Variants in CAMTA1 observed in about 807,000 individuals in gnomAD.
The protein encoded by CAMTA1 is calmodulin-binding transcription activator 1.
A neutral mutation model predicts 170.9 loss-of-function variants in CAMTA1; 27 were observed. The observed-to-expected ratio is 0.16, with a 90% CI of 0.12 to 0.22. CAMTA1 has a LOEUF of 0.22. Ranked by LOEUF, CAMTA1 falls within the 10% of genes least tolerant of loss-of-function variation. The pLI, the probability that CAMTA1 is intolerant of heterozygous loss-of-function variation, is 1.00. For synonymous variants in CAMTA1, 833 were observed against 891.5 expected, an observed-to-expected ratio of 0.93 and a Z score of 1.17; for missense variants, 1,619 against 2,217.2, an observed-to-expected ratio of 0.73 and a Z score of 5.42.
rs1293595712 is a variant in CAMTA1 at position 7,412,679 on chromosome 1, C to T, written c.439-55151C>T. Among the ~76,000 whole-genome samples the T allele has an allele frequency of 4.6e-5, 7 of 151,932 alleles. No homozygotes were observed. In the East Asian group the frequency reaches 1.2e-3, roughly 25 times the overall value. On this transcript the variant is annotated intron_variant, in intron 5 of 22. Coordinates refer to ENST00000303635, the MANE Select transcript of CAMTA1 (RefSeq NM_015215.4). ...AGCCCTTTGTCAGATGAGTAGGTTG[C>T]GAAAATTTTCTCCCATTTTGTAGGT...
At chr1:7,755,326 CAAAAAAA>C (rs70987373) in intron 21 of CAMTA1, among the ~76,000 whole-genome samples, 9 of 61,970 alleles carry the variant, frequency 1.5e-4, no homozygotes, top group Admixed American at 4.4e-4. Context: ...GACTCCGTCT[CAAAAAAA>C]AAAAAAAAAA....
intron 5 of CAMTA1, among the ~76,000 whole-genome samples, chr1:7,349,137 G>A (rs845239): frequency 0.94 from 143,007 of 152,284 alleles, 67,246 homozygotes; most frequent in East Asian, 1. Context: ...AGTCATTCCC[G>A]TTCTCCTCGA....
intron 5 of CAMTA1, among the ~76,000 whole-genome samples, chr1:7,436,809 A>G (rs1446234506): frequency 1.3e-5 from 2 of 152,050 alleles, no homozygotes; most frequent in African/African-American, 4.8e-5. Flanking sequence ...AGCGGGGCGG[A>G]TGCAGAGGTA....
chr1:7,106,527 G>T (rs1158607413), intron 4 of CAMTA1, among the ~76,000 whole-genome samples: 1 of 152,118 alleles, frequency 6.6e-6, no homozygotes, highest in Non-Finnish European at 1.5e-5. Context: ...CAGAAGTTGG[G>T]ACCAGAGCCC....
chr1:7,465,433 T>G (rs1242752601), intron 5 of CAMTA1, among the ~76,000 whole-genome samples: 1 of 152,124 alleles, frequency 6.6e-6, no homozygotes, highest in Non-Finnish European at 1.5e-5. Context: ...GGGATCTGCC[T>G]TCAGCCGCAC....
chr1:6,979,092 G>A (rs1294143947), intron 3 of CAMTA1, among the ~76,000 whole-genome samples: 1 of 152,196 alleles, frequency 6.6e-6, no homozygotes, highest in Non-Finnish European at 1.5e-5. Context: ...TGGTGTGGCT[G>A]GAGGAGGGAG....
intron 3 of CAMTA1, among the ~76,000 whole-genome samples, chr1:6,911,823 C>T (rs574041375): frequency 6.6e-5 from 10 of 152,328 alleles, no homozygotes; most frequent in South Asian, 4.1e-4. Context: ...TTGCTGTCTG[C>T]GGGCTCTGTT....
intron 5 of CAMTA1, among the ~76,000 whole-genome samples, chr1:7,250,973 G>C (rs935393836): frequency 9.9e-5 from 15 of 152,214 alleles, no homozygotes; most frequent in Non-Finnish European, 1.8e-4. Flanking sequence ...AAAGGAGGGA[G>C]GGCTTGGTTC....
intron 5 of CAMTA1, among the ~76,000 whole-genome samples, chr1:7,308,741 T>C (rs906176181): frequency 3.3e-5 from 5 of 152,198 alleles, no homozygotes; most frequent in African/African-American, 7.2e-5. Context: ...GTTTTATGAC[T>C]CAAGACATGA....
At chr1:6,932,291 T>G (rs1684553475) in intron 3 of CAMTA1, among the ~76,000 whole-genome samples, 3 of 152,222 alleles carry the variant, frequency 2.0e-5, no homozygotes, top group African/African-American at 4.8e-5. Flanking sequence ...TGTCTTTTTT[T>G]GGGGTCTGGC....
chr1:6,906,977 C>A (rs989180880), intron 3 of CAMTA1, among the ~76,000 whole-genome samples: 2 of 152,206 alleles, frequency 1.3e-5, no homozygotes, highest in African/African-American at 4.8e-5. Flanking sequence ...CCATCCCCCG[C>A]GTCCCAGCCC....
Position 7,588,210 on chromosome 1 carries a change from T to C in CAMTA1, c.511-52190T>C, listed in dbSNP as rs2095326879. Among the ~76,000 whole-genome samples, 1 of 152,046 alleles carries C rather than the reference T, an allele frequency of 6.6e-6. No individual in the cohort carries two copies. The highest frequency in any genetic ancestry group is 2.4e-5 in the African/African-American group (1 of 41,342). ...TCTGCCTCTCAGCCAGGAAAATCCC[T>C]ACCCCAGGACAAGCTCCTGTGGCCA... On this transcript the variant is annotated intron_variant, in intron 6 of 22. Transcript: ENST00000303635. The surrounding 1 kb of genome is among the most constrained non-coding windows in gnomAD (Gnocchi z 5.8).
At chr1:7,004,333 C>T (rs1355310722) in intron 3 of CAMTA1, among the ~76,000 whole-genome samples, 1 of 152,080 alleles carries the variant, frequency 6.6e-6, no homozygotes, top group Non-Finnish European at 1.5e-5. Context: ...AGGATCCCAG[C>T]CAAAGAACCT....
intron 6 of CAMTA1, among the ~76,000 whole-genome samples, chr1:7,506,474 C>CA (rs2094112473): frequency 6.6e-6 from 1 of 151,884 alleles, no homozygotes; most frequent in African/African-American, 2.4e-5. Flanking sequence ...TACTAACACT[C>CA]AAAATTCACA....
At chr1:6,977,655 T>A (rs1478674747) in intron 3 of CAMTA1, among the ~76,000 whole-genome samples, 1 of 152,212 alleles carries the variant, frequency 6.6e-6, no homozygotes, top group Non-Finnish European at 1.5e-5. Flanking sequence ...TAAGCTTTTT[T>A]AAGCATATCA....
chr1:6,886,789 C>G (rs894746421), intron 3 of CAMTA1, among the ~76,000 whole-genome samples: 1 of 152,192 alleles, frequency 6.6e-6, no homozygotes, highest in Non-Finnish European at 1.5e-5. Flanking sequence ...ACCCTTCCCC[C>G]AAAATAGTGA....
At position 7,490,373 on chromosome 1, in the gene CAMTA1, C is replaced by T. The variant is rs554981167; in HGVS notation, c.510+22472C>T. ...GTCATTATCAAAAGCAGTGATTGGC[C>T]GGGCGCGATGGCTCATGCCTGTAAT... On this transcript the variant is annotated intron_variant, in intron 6 of 22. Transcript: ENST00000303635. 9.2e-5 allele frequency among the ~76,000 whole-genome samples: 14 copies of T among 152,314 alleles called. No individual in the cohort carries two copies. In the South Asian group the frequency reaches 1.2e-3, roughly 14 times the overall value.
chr1:7,695,025 C>T (rs2096360005), intron 11 of CAMTA1, among the ~76,000 whole-genome samples: 1 of 152,176 alleles, frequency 6.6e-6, no homozygotes, highest in Non-Finnish European at 1.5e-5. Context: ...CATCATTGCT[C>T]TAATTTTATA....
intron 5 of CAMTA1, among the ~76,000 whole-genome samples, chr1:7,297,159 A>G (rs1031867168): frequency 1.3e-5 from 2 of 152,230 alleles, no homozygotes; most frequent in Non-Finnish European, 2.9e-5. Context: ...CTGTAGTCCA[A>G]TTTTAATCCA....
Sources: allele counts gnomAD v4.1 joint callset (sites outside exome capture counted in the v4.1 genomes callset), GRCh38; gene constraint gnomAD v4.1.1; non-coding constraint Gnocchi (gnomAD v3.1); transcripts MANE v1.5; gene names NCBI Gene and HGNC (gene_info 2026-07-23, HGNC 2026-07-21).